Variants in GKAP1 observed in about 807,000 individuals in gnomAD.
GKAP1 encodes G kinase anchoring protein 1.
In GKAP1, 31 loss-of-function variants were observed where a neutral mutation model predicts 56.7. The ratio of observed to expected loss-of-function variants is 0.55; its 90% CI spans 0.41 to 0.74. The LOEUF (loss-of-function observed/expected upper bound fraction) is 0.74, where lower values mean the gene tolerates loss of function less well. Among genes scored for constraint, GKAP1 ranks in the 30% least tolerant of loss-of-function variants. The pLI, the probability that GKAP1 is intolerant of heterozygous loss-of-function variation, is 0.00. For missense variants in GKAP1, 364 were observed against 402.3 expected, an observed-to-expected ratio of 0.90 and a Z score of 0.82; for synonymous variants, 151 against 138.6, an observed-to-expected ratio of 1.09 and a Z score of -0.63.
intron 3 of GKAP1, among the ~76,000 whole-genome samples, chr9:83,804,408 C>A (rs1346793335): frequency 1.4e-5 from 2 of 140,662 alleles, no homozygotes; most frequent in Non-Finnish European, 1.6e-5. Flanking sequence ...GGGGGGTCAG[C>A]CCCCCGCCCG....
chr9:83,787,114 C>G (rs979072764), intron 5 of GKAP1, among the ~76,000 whole-genome samples: 5 of 152,174 alleles, frequency 3.3e-5, no homozygotes, highest in Admixed American at 3.3e-4. Flanking sequence ...ACAGTTCATT[C>G]TTCGTTATTT....
chr9:83,770,656 G>C (rs936697352), intron 7 of GKAP1, among the ~76,000 whole-genome samples: 1 of 151,860 alleles, frequency 6.6e-6, no homozygotes, highest in Admixed American at 6.6e-5. Flanking sequence ...TCCCAGGCCA[G>C]GTTCAAGCAA....
intron 4 of GKAP1, among the ~76,000 whole-genome samples, chr9:83,792,563 A>G (rs1163154010): frequency 2.0e-5 from 3 of 152,176 alleles, no homozygotes; most frequent in Non-Finnish European, 4.4e-5. Context: ...GAAAGAATCA[A>G]AGATAAGGTT....
At chr9:83,792,901 G>C (rs1448266595) in intron 4 of GKAP1, 1 of 520,554 alleles carries the variant, frequency 1.9e-6, no homozygotes, top group Admixed American at 5.9e-5. Flanking sequence ...GGAAGAAAAA[G>C]AGGAAATAGC....
At chr9:83,790,783 G>A (rs1379469084) in intron 4 of GKAP1, among the ~76,000 whole-genome samples, 1 of 152,058 alleles carries the variant, frequency 6.6e-6, no homozygotes, top group African/African-American at 2.4e-5. Flanking sequence ...CTGCACTCCA[G>A]ACTAGATGAC....
intron 5 of GKAP1, 28 bp from the exon 6 acceptor site, chr9:83,784,866 G>A (rs1263654331): frequency 1.3e-6 from 2 of 1,485,280 alleles, no homozygotes; most frequent in East Asian, 2.4e-5. Flanking sequence ...CAACAATTAA[G>A]TTCAGTTTAC....
chr9:83,799,817 T>G (rs955063569), intron 3 of GKAP1, among the ~76,000 whole-genome samples: 1 of 151,872 alleles, frequency 6.6e-6, no homozygotes, highest in Non-Finnish European at 1.5e-5. Flanking sequence ...ACAAAAAAAC[T>G]AGCCGGGTGT....
chr9:83,796,709 C>T (rs1226934804), intron 4 of GKAP1, among the ~76,000 whole-genome samples: 5 of 151,830 alleles, frequency 3.3e-5, no homozygotes, highest in South Asian at 2.1e-4. Flanking sequence ...TCAGCTGATC[C>T]GCCCACCTAG....
At chr9:83,812,917 TAA>T (rs1944532331) in intron 2 of GKAP1, among the ~76,000 whole-genome samples, 1 of 152,162 alleles carries the variant, frequency 6.6e-6, no homozygotes, top group Non-Finnish European at 1.5e-5. Context: ...CCTCGTTAAC[TAA>T]TTTTTCAGAA....
chr9:83,767,833 T>C (rs1943690183), intron 8 of GKAP1, among the ~76,000 whole-genome samples: 1 of 152,092 alleles, frequency 6.6e-6, no homozygotes, highest in Admixed American at 6.5e-5. Context: ...ATTATAGGCA[T>C]GTGCCACCAT....
intron 8 of GKAP1, among the ~76,000 whole-genome samples, chr9:83,764,680 A>G (rs1943631432): frequency 6.6e-6 from 1 of 152,206 alleles, no homozygotes; most frequent in African/African-American, 2.4e-5. Flanking sequence ...AATGAAGTCC[A>G]GGCTGAGGTG....
chr9:83,772,010 T>C (rs1201449515), intron 7 of GKAP1, among the ~76,000 whole-genome samples: 2 of 152,030 alleles, frequency 1.3e-5, no homozygotes, highest in Non-Finnish European at 2.9e-5. Flanking sequence ...GATCTAGAGA[T>C]GGGATTTTTT....
intron 8 of GKAP1, among the ~76,000 whole-genome samples, chr9:83,768,586 A>G (rs899557435): frequency 1.3e-5 from 2 of 152,204 alleles, no homozygotes; most frequent in African/African-American, 4.8e-5. Context: ...CTAACAGTAC[A>G]TAGCTTATGG....
intron 7 of GKAP1, among the ~76,000 whole-genome samples, chr9:83,770,685 C>T (rs1244769163): frequency 6.6e-6 from 1 of 152,048 alleles, no homozygotes; most frequent in African/African-American, 2.4e-5. Flanking sequence ...CCTCAGCCTC[C>T]TGAGTAGCTG....
chr9:83,799,468 T>C (rs1944297749), intron 3 of GKAP1, 140 bp from the exon 4 acceptor site: 1 of 602,288 alleles, frequency 1.7e-6, no homozygotes, highest in Non-Finnish European at 2.8e-6. Context: ...CAGCTAAAGT[T>C]ATTATTTGTG....
At chr9:83,780,784 T>C (rs1417530017) in intron 6 of GKAP1, among the ~76,000 whole-genome samples, 1 of 152,166 alleles carries the variant, frequency 6.6e-6, no homozygotes, top group Admixed American at 6.5e-5. Context: ...CACAGGTTAC[T>C]ATAACTACAA....
At chr9:83,776,134 T>C (rs901026659) in intron 7 of GKAP1, among the ~76,000 whole-genome samples, 8 of 152,088 alleles carry the variant, frequency 5.3e-5, no homozygotes, top group African/African-American at 1.2e-4. Flanking sequence ...TATTCTTCCA[T>C]GATGTGGTTA....
chr9:83,745,555 T>C (rs1564187185), intron 10 of GKAP1, among the ~76,000 whole-genome samples: 1 of 152,226 alleles, frequency 6.6e-6, no homozygotes, highest in Non-Finnish European at 1.5e-5. Context: ...CTTTCTCAAT[T>C]TCCACAGTGT....
At chr9:83,785,257 T>C (rs1486796323) in intron 5 of GKAP1, among the ~76,000 whole-genome samples, 1 of 152,130 alleles carries the variant, frequency 6.6e-6, no homozygotes, top group African/African-American at 2.4e-5. Flanking sequence ...TCTTAATACA[T>C]TTCTGACTAC....
Sources: allele counts gnomAD v4.1 joint callset (sites outside exome capture counted in the v4.1 genomes callset), GRCh38; gene constraint gnomAD v4.1.1; transcripts MANE v1.5; gene names NCBI Gene and HGNC (gene_info 2026-07-23, HGNC 2026-07-21).